Variants in CSMD1 observed in about 807,000 individuals in gnomAD.
The protein encoded by CSMD1 is CUB and Sushi multiple domains 1, also known as CUB and sushi domain-containing protein 1.
In CSMD1, 213 loss-of-function variants were observed where a neutral mutation model predicts 417.5. That is an observed-to-expected ratio of 0.51 (90% CI 0.46 to 0.57). The LOEUF (loss-of-function observed/expected upper bound fraction) is 0.57, where lower values mean the gene tolerates loss of function less well. Among genes scored for constraint, CSMD1 ranks in the 20% least tolerant of loss-of-function variants. The pLI is 0.00. For synonymous variants in CSMD1, 2,862 were observed against 1,736.8 expected (o/e 1.65, Z -16.11); for missense variants, 6,923 against 4,529.7 (o/e 1.53, Z -15.17).
intron 1 of CSMD1, among the ~76,000 whole-genome samples, chr8:4,960,696 C>T (rs1297952675): frequency 6.6e-6 from 1 of 152,108 alleles, no homozygotes; most frequent in Non-Finnish European, 1.5e-5. Flanking sequence ...TAAATTATTT[C>T]TTGCTAGTTT....
chr8:4,039,500 T>C (rs1797779253), intron 3 of CSMD1, among the ~76,000 whole-genome samples: 2 of 152,282 alleles, frequency 1.3e-5, no homozygotes, highest in South Asian at 4.1e-4. Flanking sequence ...CGAGCCAATC[T>C]GTAAAAGGAG....
At chr8:3,631,105 G>A (rs1584988677) in intron 7 of CSMD1, among the ~76,000 whole-genome samples, 2 of 152,274 alleles carry the variant, frequency 1.3e-5, no homozygotes, top group East Asian at 3.9e-4. Context: ...AGCCTGCTCA[G>A]CACACAGGTA....
intron 1 of CSMD1, among the ~76,000 whole-genome samples, chr8:4,944,620 C>T (rs944740581): frequency 1.2e-4 from 18 of 152,220 alleles, no homozygotes; most frequent in African/African-American, 4.1e-4. Context: ...AAAATGTATG[C>T]GGACTGGCCA....
chr8:4,013,605 T>A (rs1317804180), intron 4 of CSMD1, among the ~76,000 whole-genome samples: 1 of 152,202 alleles, frequency 6.6e-6, no homozygotes, highest in East Asian at 1.9e-4. Flanking sequence ...AAAGTTTATC[T>A]GTTGCTTCTC....
chr8:3,776,607 T>C (rs1016607785), intron 5 of CSMD1, among the ~76,000 whole-genome samples: 42 of 152,052 alleles, frequency 2.8e-4, no homozygotes, highest in African/African-American at 1.0e-3. Flanking sequence ...TAAATCTCAT[T>C]GACATTGTAG....
chr8:3,044,951 G>A lies in CSMD1; in HGVS notation c.7660+7511C>T, dbSNP rs565850432. On this transcript the variant is annotated intron_variant, in intron 50 of 69. Coordinates refer to ENST00000635120, the MANE Select transcript of CSMD1 (RefSeq NM_033225.6). Reference sequence around the variant, plus strand: ...CATTTAATGGTAACCAAATTTTTCTGGCTAAGAGGTAAAGTTTTATGCTTA... The same window carrying A: ...CATTTAATGGTAACCAAATTTTTCTAGCTAAGAGGTAAAGTTTTATGCTTA... Among the ~76,000 whole-genome samples the A allele has an allele frequency of 3.3e-5, 5 of 152,196 alleles. No individual in the cohort carries two copies. In the South Asian group the frequency reaches 1.0e-3, roughly 32 times the overall value.
chr8:4,915,138 A>T (rs1805964599), intron 1 of CSMD1, among the ~76,000 whole-genome samples: 1 of 152,200 alleles, frequency 6.6e-6, no homozygotes, highest in South Asian at 2.1e-4. Flanking sequence ...CGAACGAAGA[A>T]AATGGAATAC....
intron 3 of CSMD1, among the ~76,000 whole-genome samples, chr8:4,277,216 T>TAC (rs398006965): frequency 0.23 from 33,185 of 147,068 alleles, 3,913 homozygotes; most frequent in East Asian, 0.51. Context: ...TATATATATA[T>TAC]ACACACAGAC....
At chr8:4,134,143 T>C (rs978554995) in intron 3 of CSMD1, among the ~76,000 whole-genome samples, 1 of 152,212 alleles carries the variant, frequency 6.6e-6, no homozygotes, top group African/African-American at 2.4e-5. Flanking sequence ...TATGATTTAA[T>C]GACATTGAAA....
intron 62 of CSMD1, among the ~76,000 whole-genome samples, chr8:2,960,598 A>C (rs1290458724): frequency 6.6e-6 from 1 of 152,190 alleles, no homozygotes; most frequent in African/African-American, 2.4e-5. Context: ...AGTCAAATGA[A>C]CGTTCCAAAA....
intron 2 of CSMD1, among the ~76,000 whole-genome samples, chr8:4,515,352 G>C (rs1340588027): frequency 2.0e-5 from 3 of 152,156 alleles, no homozygotes; most frequent in African/African-American, 4.8e-5. Flanking sequence ...CGCTTGATAG[G>C]TGCCATGACA....
intron 41 of CSMD1, among the ~76,000 whole-genome samples, chr8:3,129,683 T>C (rs1455029804): frequency 1.5e-5 from 2 of 131,750 alleles, no homozygotes; most frequent in African/African-American, 5.9e-5. Flanking sequence ...CAAAACCATT[T>C]TTTAAAAAAA....
At chr8:3,552,631 G>A (rs982345756) in intron 10 of CSMD1, among the ~76,000 whole-genome samples, 4 of 152,160 alleles carry the variant, frequency 2.6e-5, no homozygotes, top group South Asian at 2.1e-4. Context: ...TAACGCGTAT[G>A]CTACAGAGAT....
intron 57 of CSMD1, among the ~76,000 whole-genome samples, chr8:2,969,261 T>C (rs1021811512): frequency 2.6e-5 from 4 of 152,290 alleles, no homozygotes; most frequent in African/African-American, 7.2e-5. Context: ...TTCATCATCA[T>C]CACTCTTACT....
chr8:3,748,579 G>C (rs1470585589), intron 6 of CSMD1, among the ~76,000 whole-genome samples: 1 of 152,164 alleles, frequency 6.6e-6, no homozygotes, highest in Non-Finnish European at 1.5e-5. Flanking sequence ...TTTAAAAGGA[G>C]AGGCAACCAT....
intron 3 of CSMD1, among the ~76,000 whole-genome samples, chr8:4,116,237 A>T (rs1408125447): frequency 6.6e-6 from 1 of 151,966 alleles, no homozygotes; most frequent in African/African-American, 2.4e-5. Flanking sequence ...CAGGTGATCC[A>T]CAAGCCTCAG....
intron 3 of CSMD1, among the ~76,000 whole-genome samples, chr8:4,197,146 G>C (rs894289497): frequency 1.3e-5 from 2 of 152,120 alleles, no homozygotes; most frequent in African/African-American, 4.8e-5. Flanking sequence ...ACTACAACAA[G>C]GTTATCACCT....
At chr8:4,146,311 G>C (rs1380174313) in intron 3 of CSMD1, among the ~76,000 whole-genome samples, 2 of 150,868 alleles carry the variant, frequency 1.3e-5, no homozygotes, top group Admixed American at 6.6e-5. Flanking sequence ...CCTCTGCTTG[G>C]TGTCTGACAC....
chr8:4,202,657 T>C (rs2131260494), intron 3 of CSMD1, among the ~76,000 whole-genome samples: 1 of 152,324 alleles, frequency 6.6e-6, no homozygotes, highest in South Asian at 2.1e-4. Flanking sequence ...CAACCAACCC[T>C]GTAGCTACAC....
Sources: gnomAD v4.1 joint callset for allele counts (sites outside exome capture counted in the v4.1 genomes callset) on GRCh38, gnomAD v4.1.1 for gene constraint, MANE v1.5 for transcripts, NCBI Gene and HGNC (gene_info 2026-07-23, HGNC 2026-07-21) for gene names.